Variants in CPPED1 observed in about 807,000 individuals in gnomAD.
CPPED1 encodes the protein serine/threonine-protein phosphatase CPPED1.
A neutral mutation model predicts 28.0 loss-of-function variants in CPPED1; 28 were observed. The ratio of observed to expected loss-of-function variants is 1.00; its 90% CI spans 0.74 to 1.37. CPPED1 has a LOEUF of 1.37. Among genes scored for constraint, CPPED1 ranks in the 40% most tolerant of loss-of-function variants. The pLI is 0.00. For synonymous variants in CPPED1, 198 were observed against 180.2 expected (o/e 1.10, Z -0.79); for missense variants, 504 against 416.5 (o/e 1.21, Z -1.83).
At chr16:12,757,671 A>G (rs1410209093) in intron 2 of CPPED1, 1 of 134,298 alleles carries the variant, frequency 7.4e-6, no homozygotes, top group African/African-American at 2.7e-5. Flanking sequence ...AGCGAGTAAC[A>G]CTTTGCATCC....
chr16:12,775,535 G>A (rs1567303507), intron 2 of CPPED1, among the ~76,000 whole-genome samples: 1 of 152,100 alleles, frequency 6.6e-6, no homozygotes, highest in Non-Finnish European at 1.5e-5. Flanking sequence ...AAGCATACTG[G>A]ATTTTCAGAT....
At chr16:12,785,807 C>T (rs1478346567) in intron 1 of CPPED1, among the ~76,000 whole-genome samples, 3 of 152,050 alleles carry the variant, frequency 2.0e-5, no homozygotes, top group Admixed American at 6.6e-5. Flanking sequence ...GGGTACAGTC[C>T]CCAGGCACAG....
chr16:12,732,269 G>C (rs1217238584), intron 2 of CPPED1, among the ~76,000 whole-genome samples: 1 of 149,936 alleles, frequency 6.7e-6, no homozygotes, highest in Non-Finnish European at 1.5e-5. Context: ...TAAAACTATG[G>C]TAGCAAAAAT....
intron 3 of CPPED1, among the ~76,000 whole-genome samples, chr16:12,673,328 A>C (rs2079862141): frequency 6.6e-6 from 1 of 152,220 alleles, no homozygotes; most frequent in African/African-American, 2.4e-5. Context: ...GGGAACGCTG[A>C]ACGGCTGGAC....
At chr16:12,723,492 C>T (rs1197132417) in intron 2 of CPPED1, among the ~76,000 whole-genome samples, 1 of 152,182 alleles carries the variant, frequency 6.6e-6, no homozygotes, top group African/African-American at 2.4e-5. Context: ...AATGAGAACA[C>T]AGCTGCAGAG....
intron 1 of CPPED1, among the ~76,000 whole-genome samples, chr16:12,803,325 G>A (rs535460182): frequency 1.3e-5 from 2 of 152,308 alleles, no homozygotes; most frequent in East Asian, 3.9e-4. Context: ...CGCTTATCCA[G>A]TAACACCCAC....
chr16:12,704,686 T>C lies in CPPED1; in HGVS notation c.653A>G (p.Asp218Gly). ...GGACTTGCTGAGGTTGAAGTAGTAG[T>C]CGTCGTCCTCGTCGATGCTCTCCAG... ...LFLESIDEDD[D>G]YYFNLSKSTR... The change falls in exon 3 of 4, where the codon GAC becomes GGC. Residue 218 changes from aspartate (D) to glycine (G), a missense_variant. Transcript: ENST00000381774. 6.2e-7 allele frequency: 1 copy of C among 1,614,228 alleles called. No individual in the cohort carries two copies. The highest frequency in any genetic ancestry group is 2.2e-5 in the East Asian group (1 of 44,888).
chr16:12,770,581 G>C (rs2080464193), intron 2 of CPPED1, among the ~76,000 whole-genome samples: 1 of 152,158 alleles, frequency 6.6e-6, no homozygotes, highest in African/African-American at 2.4e-5. Flanking sequence ...CCAGCATTTT[G>C]GGAGGCCAAG....
intron 2 of CPPED1, among the ~76,000 whole-genome samples, chr16:12,737,930 A>C (rs2080235369): frequency 1.3e-5 from 2 of 152,176 alleles, no homozygotes; most frequent in South Asian, 4.1e-4. Flanking sequence ...TTAAAGTATA[A>C]AAATTGCCAG....
At chr16:12,778,895 C>T (rs930725743) in intron 2 of CPPED1, among the ~76,000 whole-genome samples, 2 of 152,200 alleles carry the variant, frequency 1.3e-5, no homozygotes, top group Admixed American at 6.5e-5. Context: ...TTGAGTTGCA[C>T]TGCATGTAAA....
In CPPED1 at chr16:12,726,800, C is replaced by G. The variant is rs536711080; in HGVS notation, c.290-21751G>C. Among the ~76,000 whole-genome samples, 4 of 151,956 alleles carry G rather than the reference C, an allele frequency of 2.6e-5. No individual in the cohort carries two copies. In the South Asian group the frequency reaches 6.2e-4, roughly 24 times the overall value. On this transcript the variant is annotated intron_variant, in intron 2 of 3. Coordinates refer to ENST00000381774, the MANE Select transcript of CPPED1 (RefSeq NM_018340.3). The stretch of plus-strand genomic sequence containing the variant: ...CTCCAGCCTGGGTGACAGAGCAAGA[C>G]CCTGTCTCAAAATAAATAAATAAAT...
rs1398103886 is a variant in CPPED1 at position 12,704,721 on chromosome 16, G to A, written c.618C>T (p.Ile206=). The A allele has an allele frequency of 6.2e-7, 1 of 1,614,092 alleles. No homozygotes were observed. Among genetic ancestry groups the A allele is most frequent in the Non-Finnish European group, 8.5e-7 (1 of 1,180,046 alleles). The change falls in exon 3 of 4, where the codon ATC becomes ATT. Residue 206 remains isoleucine, a synonymous_variant. Transcript: ENST00000381774. ...HCQHAIVFQH[I]PLFLESIDED... ...CGTCGATGCTCTCCAGGAACAGCGG[G>A]ATGTGCTGGAAGACGATGGCATGCT...
intron 2 of CPPED1, 32 bp from the exon 3 acceptor site, chr16:12,705,081 C>T: frequency 6.4e-7 from 1 of 1,569,330 alleles, no homozygotes; most frequent in Non-Finnish European, 8.6e-7. Flanking sequence ...CCTGAGAAAG[C>T]CAGGGGCTTA....
intron 2 of CPPED1, among the ~76,000 whole-genome samples, chr16:12,751,576 G>A (rs1044381732): frequency 6.6e-6 from 1 of 152,164 alleles, no homozygotes; most frequent in Non-Finnish European, 1.5e-5. Context: ...CCCTAAAGAT[G>A]AAGGAGCAGA....
chr16:12,685,658 T>TCACCACACCCTCCCTATC (rs1393209749), intron 3 of CPPED1, among the ~76,000 whole-genome samples: 2 of 152,210 alleles, frequency 1.3e-5, no homozygotes, highest in East Asian at 3.9e-4. Flanking sequence ...TGGTTGCCTC[T>TCACCACACCCTCCCTATC]CACTATCCAC....
intron 2 of CPPED1, among the ~76,000 whole-genome samples, chr16:12,730,270 C>T (rs947810195): frequency 8.5e-5 from 13 of 152,060 alleles, no homozygotes; most frequent in South Asian, 2.1e-4. Context: ...CCAAAGTGTT[C>T]GGATTACAGG....
chr16:12,696,486 G>A (rs1193105932), intron 3 of CPPED1, among the ~76,000 whole-genome samples: 2 of 150,304 alleles, frequency 1.3e-5, no homozygotes, highest in African/African-American at 2.5e-5. Context: ...AGTCGCCCAG[G>A]GTGGAATGCA....
rs2080071501 is a variant in CPPED1, at chr16:12,709,941, A to G, written c.290-4892T>C. 7.8e-6 allele frequency among the ~76,000 whole-genome samples: 1 copy of G among 127,460 alleles called. No homozygotes were observed. Among genetic ancestry groups the G allele is most frequent in the African/African-American group, 3.1e-5 (1 of 32,774 alleles). 83.6% of individuals were successfully genotyped at this position (127,460 alleles called of 152,430 possible). A position where few individuals can be genotyped will look rare whatever the true frequency, so the allele number is the denominator to read the frequency against. On this transcript the variant is annotated intron_variant, in intron 2 of 3. Transcript: ENST00000381774. This position sits in a 1 kb window ranked among gnomAD's most constrained non-coding sequence, Gnocchi z 4.4. ...GGAAGGAAGGGAAGGAAGGGAAGGA[A>G]GGGAGGAAGGAAAGAAGGGAAGGAA...
intron 2 of CPPED1, among the ~76,000 whole-genome samples, chr16:12,756,862 C>T (rs2080372760): frequency 6.6e-6 from 1 of 151,844 alleles, no homozygotes; most frequent in Non-Finnish European, 1.5e-5. Flanking sequence ...GTTATAGACA[C>T]CTACAGTGCT....
Sources: gnomAD v4.1 joint callset for allele counts (sites outside exome capture counted in the v4.1 genomes callset) on GRCh38, gnomAD v4.1.1 for gene constraint, Gnocchi (gnomAD v3.1) non-coding constraint, MANE v1.5 for transcripts, NCBI Gene and HGNC (gene_info 2026-07-23, HGNC 2026-07-21) for gene names.